SCOC: variants seen among roughly 807,000 people sequenced by gnomAD.
SCOC encodes the protein short coiled-coil protein.
In SCOC, 7 loss-of-function variants were observed where a neutral mutation model predicts 9.9. The observed-to-expected ratio is 0.71, with a 90% confidence interval of 0.40 to 1.33. The LOEUF is 1.33. Among genes scored for constraint, SCOC ranks in the 40% most tolerant of loss-of-function variants. SCOC has a pLI of 0.01. For missense variants in SCOC, 66 were observed against 89.7 expected, an observed-to-expected ratio of 0.74 and a Z score of 1.07; for synonymous variants, 19 against 28.2, an observed-to-expected ratio of 0.67 and a Z score of 1.03.
intron 2 of SCOC, among the ~76,000 whole-genome samples, chr4:140,363,907 G>C (rs1165436587): frequency 1.3e-5 from 2 of 152,178 alleles, no homozygotes; most frequent in South Asian, 2.1e-4. Context: ...AGTGATGCTG[G>C]AAGTGCTCCC....
chr4:140,329,583 TAACTC>T (rs1218500573), intron 1 of SCOC, among the ~76,000 whole-genome samples: 5 of 151,666 alleles, frequency 3.3e-5, no homozygotes, highest in Non-Finnish European at 5.9e-5. Context: ...AATTGACAAA[TAACTC>T]AAACAAATCA....
chr4:140,290,631 G>A (rs145748960), intron 1 of SCOC, among the ~76,000 whole-genome samples: 44 of 152,276 alleles, frequency 2.9e-4, no homozygotes, highest in African/African-American at 8.9e-4. Flanking sequence ...TGGCCAACAT[G>A]GTGAAACCCC....
intron 1 of SCOC, among the ~76,000 whole-genome samples, chr4:140,289,631 G>C (rs1451734403): frequency 1.3e-5 from 2 of 152,222 alleles, no homozygotes; most frequent in Non-Finnish European, 2.9e-5. Context: ...CAGGGACCCA[G>C]TGTAAGTGAC....
chr4:140,374,360 C>T (rs1031448658), intron 1 of SCOC: 1 of 346,556 alleles, frequency 2.9e-6, no homozygotes, highest in African/African-American at 2.2e-5. Context: ...CACTATTACG[C>T]AACAATAAGG....
chr4:140,289,189 G>A (rs1405025170), intron 1 of SCOC, among the ~76,000 whole-genome samples: 1 of 152,166 alleles, frequency 6.6e-6, no homozygotes, highest in Non-Finnish European at 1.5e-5. Flanking sequence ...AATACCAACT[G>A]AACCAGTAGT....
At chr4:140,349,572 C>T (rs1275112172) in intron 2 of SCOC, among the ~76,000 whole-genome samples, 1 of 152,150 alleles carries the variant, frequency 6.6e-6, no homozygotes, top group African/African-American at 2.4e-5. Context: ...CTTCTCCCCC[C>T]AATCTATTCC....
intron 1 of SCOC, among the ~76,000 whole-genome samples, chr4:140,312,528 A>C (rs1197908293): frequency 6.6e-6 from 1 of 152,128 alleles, no homozygotes; most frequent in Non-Finnish European, 1.5e-5. Context: ...TCCTGGGCTC[A>C]AGTAATTCTC....
At chr4:140,369,407 G>A (rs1326494722), upstream of SCOC, 1 of 303,698 alleles carries the variant, frequency 3.3e-6, no homozygotes, top group Non-Finnish European at 6.8e-6. Context: ...TTAGGAATGA[G>A]ATGGAACATG....
chr4:140,380,264 C>T (rs1258147548), intron 3 of SCOC, among the ~76,000 whole-genome samples: 5 of 148,338 alleles, frequency 3.4e-5, no homozygotes, highest in Non-Finnish European at 5.9e-5. Context: ...ATGGCGCAAC[C>T]TCGGCTCCCT....
upstream of SCOC, among the ~76,000 whole-genome samples, chr4:140,372,543 T>A (rs1234539283): frequency 6.6e-6 from 1 of 152,230 alleles, no homozygotes; most frequent in Non-Finnish European, 1.5e-5. Flanking sequence ...TGTTGGATTT[T>A]TTTTCATTTA....
intron 1 of SCOC, among the ~76,000 whole-genome samples, chr4:140,335,101 T>A (rs935781170): frequency 6.6e-6 from 1 of 152,208 alleles, no homozygotes; most frequent in Non-Finnish European, 1.5e-5. Flanking sequence ...CCTTTTTACA[T>A]CTTTATTACA....
At chr4:140,271,981 G>C (rs1730855105) in intron 1 of SCOC, among the ~76,000 whole-genome samples, 1 of 152,042 alleles carries the variant, frequency 6.6e-6, no homozygotes, top group South Asian at 2.1e-4. Context: ...GATTATGGCA[G>C]CGCAAGGTCG....
chr4:140,355,839 T>A (rs982992504), intron 2 of SCOC, among the ~76,000 whole-genome samples: 1 of 152,198 alleles, frequency 6.6e-6, no homozygotes, highest in Admixed American at 6.5e-5. Context: ...GAAAAATGTA[T>A]GTATTAGTGT....
At chr4:140,363,105 G>A (rs1350038656) in intron 2 of SCOC, among the ~76,000 whole-genome samples, 7 of 152,128 alleles carry the variant, frequency 4.6e-5, no homozygotes, top group Non-Finnish European at 4.4e-5. Context: ...ATTATAACCC[G>A]CTGCATGTAT....
chr4:140,261,448 C>G (rs1730631952), intron 1 of SCOC, among the ~76,000 whole-genome samples: 1 of 152,224 alleles, frequency 6.6e-6, no homozygotes, highest in South Asian at 2.1e-4. Flanking sequence ...GCTCCCTTCC[C>G]ATACCCCAGA....
chr4:140,369,093 C>T (rs1357094146), upstream of SCOC, among the ~76,000 whole-genome samples: 1 of 151,998 alleles, frequency 6.6e-6, no homozygotes, highest in African/African-American at 2.4e-5. Context: ...TCTTACATTC[C>T]CTCTACCTAT....
At chr4:140,327,606 T>G (rs909687841) in intron 1 of SCOC, among the ~76,000 whole-genome samples, 1 of 152,178 alleles carries the variant, frequency 6.6e-6, no homozygotes, top group Admixed American at 6.5e-5. Flanking sequence ...TTGGATAACA[T>G]AGCGAGACCC....
At position 140,319,682 on chromosome 4, in the gene SCOC, AAAAT is replaced by A. The variant is rs1217190582; in HGVS notation, c.-18-23932_-18-23929del. Among the ~76,000 whole-genome samples, 8 of 152,170 alleles carry A rather than the reference AAAAT, an allele frequency of 5.3e-5. No homozygotes were observed. The South Asian group carries it at 1.2e-3, about 24-fold the overall frequency. On this transcript the variant is annotated intron_variant, in intron 1 of 4. Coordinates refer to the SCOC transcript ENST00000394205. ...TAATGCTGGAGAAATTTAAAATTCT[AAAAT>A]AAATAATGGTTCTTGTTAAAGCTCG... is the stretch of plus-strand genomic sequence containing the variant.
At chr4:140,285,133 C>T (rs1368193800) in intron 1 of SCOC, 1 of 455,734 alleles carries the variant, frequency 2.2e-6, no homozygotes, top group Non-Finnish European at 4.4e-6. Context: ...CATCACGTCT[C>T]AAAGCTTGTA....
Sources: gnomAD v4.1 joint callset for allele counts (sites outside exome capture counted in the v4.1 genomes callset) on GRCh38, gnomAD v4.1.1 for gene constraint, MANE v1.5 for transcripts, NCBI Gene and HGNC (gene_info 2026-07-23, HGNC 2026-07-21) for gene names.